BTD: variants seen among roughly 807,000 people sequenced by gnomAD.
The protein encoded by BTD is biotinidase, also known as biocytinase.
Under a neutral mutation model 17.7 loss-of-function variants are expected in BTD, and 13 were observed. That is an observed-to-expected ratio of 0.74 (90% confidence interval 0.48 to 1.17). The LOEUF is 1.17. Among genes scored for constraint, BTD ranks in the 50% most tolerant of loss-of-function variants. BTD has a pLI of 0.00. For synonymous variants in BTD, 240 were observed against 245.2 expected (o/e 0.98, Z 0.20); for missense variants, 674 against 650.4 (o/e 1.04, Z -0.39).
intron 3 of BTD, among the ~76,000 whole-genome samples, chr3:15,663,510 A>G (rs925027586): frequency 6.6e-6 from 1 of 152,196 alleles, no homozygotes; most frequent in Non-Finnish European, 1.5e-5. Context: ...TCTAATAGAT[A>G]TAGGTCCATT....
In BTD at chr3:15,646,467, A is replaced by T. The variant is rs1402734120; in HGVS notation, c.*979A>T. The T allele has an allele frequency of 1.3e-5, 2 of 152,230 alleles. No individual in the cohort carries two copies. Among genetic ancestry groups the T allele is most frequent in the Non-Finnish European group, 2.9e-5 (2 of 68,040 alleles). 9.4% of individuals were successfully genotyped at this position (152,230 alleles called of 1,614,324 possible). A position where few individuals can be genotyped will look rare whatever the true frequency, so the allele number is the denominator to read the frequency against. ...CCGTGAAGGGCATGAAGGGTGGCCCACTTTAGTCATGCATTTATTCAATCA... is the reference window on the plus strand; with the variant it reads ...CCGTGAAGGGCATGAAGGGTGGCCCTCTTTAGTCATGCATTTATTCAATCA... On this transcript the variant is annotated 3_prime_UTR_variant, in exon 4 of 4. Transcript: ENST00000643237.
intron 1 of BTD, among the ~76,000 whole-genome samples, chr3:15,604,372 T>A (rs1197678252): frequency 2.0e-5 from 3 of 152,242 alleles, no homozygotes; most frequent in Non-Finnish European, 2.9e-5. Flanking sequence ...TTTTTAGCCA[T>A]GGCTGGCATG....
rs202028288 is a variant in BTD, at chr3:15,670,392, C to A, written c.399+28335C>A. The A allele has an allele frequency of 7.4e-6, 12 of 1,613,936 alleles. No homozygotes were observed. The African/African-American group carries it at 1.3e-4, about 18-fold the overall frequency. ...GGTTCATTCCTCATGATGGGCAAAG[C>A]TTCAAAGCTGACTGTTTTTGAGGTG... On this transcript the variant is annotated intron_variant, in intron 3 of 3. Coordinates refer to the BTD transcript ENST00000672141.
At chr3:15,686,732 T>C (rs995423684) in intron 3 of BTD, among the ~76,000 whole-genome samples, 3 of 152,208 alleles carry the variant, frequency 2.0e-5, no homozygotes, top group Non-Finnish European at 4.4e-5. Flanking sequence ...GTCTGACTAC[T>C]GAGATGCCGA....
intron 4 of BTD, among the ~76,000 whole-genome samples, chr3:15,720,020 C>T (rs2073528039): frequency 6.6e-6 from 1 of 152,062 alleles, no homozygotes; most frequent in Non-Finnish European, 1.5e-5. Context: ...CAAGCATGAG[C>T]CACCATGCCA....
chr3:15,696,109 T>C (rs1251270648), intron 3 of BTD: 2 of 1,467,618 alleles, frequency 1.4e-6, no homozygotes, highest in Admixed American at 2.0e-5. Flanking sequence ...CCATTAGGTC[T>C]TTCACAAGAA....
intron 3 of BTD, among the ~76,000 whole-genome samples, chr3:15,708,818 C>T (rs2071826338): frequency 1.3e-5 from 2 of 152,064 alleles, no homozygotes; most frequent in Admixed American, 1.3e-4. Context: ...ATGCATAATT[C>T]TTTTTACTTC....
chr3:15,661,175 A>G (rs1293882781), intron 3 of BTD, among the ~76,000 whole-genome samples: 7 of 148,724 alleles, frequency 4.7e-5, no homozygotes, highest in Admixed American at 2.7e-4. Context: ...CTGAGGCAGG[A>G]GAATCACTTG....
chr3:15,621,330 G>A (rs1031817322), intron 1 of BTD, among the ~76,000 whole-genome samples: 2 of 152,178 alleles, frequency 1.3e-5, no homozygotes, highest in African/African-American at 4.8e-5. Context: ...GTCTGTTTCA[G>A]TATTGGGGTA....
At chr3:15,711,075 T>C (rs1201164585) in exon 4 of BTD, 8 of 690,836 alleles carry the variant, frequency 1.2e-5, no homozygotes, top group Non-Finnish European at 1.9e-5. Context: ...CACCCTGGAC[T>C]TTTTTTTCCC....
At position 15,644,684 on chromosome 3, in the gene BTD, C is replaced by G. The variant is rs775730599; in HGVS notation, c.768C>G (p.Leu256=). The change falls in exon 4 of 4, where the codon CTC becomes CTG. Residue 256 remains leucine (L), a synonymous_variant. Coordinates refer to ENST00000643237, the MANE Select transcript of BTD (RefSeq NM_001370658.1). Reference sequence around the variant, plus strand: ...ACCCAACTGCCTGGATGAACCAGCTCCCACTCTTGGCAGCAATTGAGATTC... The same window carrying G: ...ACCCAACTGCCTGGATGAACCAGCTGCCACTCTTGGCAGCAATTGAGATTC... The part of the protein sequence containing the change: ...VVYPTAWMNQ[L]PLLAAIEIQK... 6.2e-7 allele frequency: 1 copy of G among 1,614,190 alleles called. No homozygotes were observed. The highest frequency in any genetic ancestry group is 8.5e-7 in the Non-Finnish European group (1 of 1,180,046).
intron 1 of BTD, among the ~76,000 whole-genome samples, chr3:15,615,898 A>G (rs1383826903): frequency 6.6e-6 from 1 of 152,248 alleles, no homozygotes; most frequent in East Asian, 1.9e-4. Flanking sequence ...GGAATCATAC[A>G]GTATGTAGCC....
At chr3:15,610,086 C>G (rs1294719871) in intron 1 of BTD, among the ~76,000 whole-genome samples, 2 of 152,104 alleles carry the variant, frequency 1.3e-5, no homozygotes, top group Non-Finnish European at 2.9e-5. Flanking sequence ...ATTAACCACC[C>G]CAAAACTTAG....
At chr3:15,669,865 T>C (rs1189445720) in intron 3 of BTD, 5 of 161,518 alleles carry the variant, frequency 3.1e-5, no homozygotes, top group Admixed American at 3.0e-4. Flanking sequence ...TAATGCCTAC[T>C]GTACCAAACT....
intron 1 of BTD, among the ~76,000 whole-genome samples, chr3:15,621,118 C>T (rs1230015451): frequency 6.6e-6 from 1 of 152,236 alleles, no homozygotes; most frequent in African/African-American, 2.4e-5. Flanking sequence ...TGTCTCTTGG[C>T]TTATTAGATG....
At chr3:15,677,187 A>G (rs902806954) in intron 3 of BTD, 2 of 730,300 alleles carry the variant, frequency 2.7e-6, no homozygotes, top group Non-Finnish European at 4.5e-6. Flanking sequence ...TTCCTGGCTA[A>G]TATCTTAATA....
intron 2 of BTD, among the ~76,000 whole-genome samples, chr3:15,638,576 T>C (rs2125468725): frequency 6.6e-6 from 1 of 152,316 alleles, no homozygotes; most frequent in Non-Finnish European, 1.5e-5. Context: ...CTAAGACAAA[T>C]TGATGGCAAG....
rs552212208 is a variant in BTD, at chr3:15,629,625, G to A, written c.-16-5799G>A. On this transcript the variant is annotated intron_variant, in intron 1 of 3. Transcript: ENST00000643237. ...TGCAACCTCCGCCGCCCGAGTTCAA[G>A]CGATTCTCCTGCCTCAGCCTCCCGG... Among the ~76,000 whole-genome samples the A allele has an allele frequency of 2.6e-5, 4 of 152,310 alleles. No individual in the cohort carries two copies. The South Asian group carries it at 8.3e-4, about 32-fold the overall frequency.
chr3:15,670,447 T>C (rs1363374975), intron 3 of BTD: 1 of 1,614,000 alleles, frequency 6.2e-7, no homozygotes, highest in Non-Finnish European at 8.5e-7. Context: ...CATTGAATGT[T>C]AAGGATGATA....
Sources: gnomAD v4.1 joint callset for allele counts (sites outside exome capture counted in the v4.1 genomes callset) on GRCh38, gnomAD v4.1.1 for gene constraint, MANE v1.5 for transcripts, NCBI Gene and HGNC (gene_info 2026-07-23, HGNC 2026-07-21) for gene names.